TFCP2L1: variants seen among roughly 807,000 people sequenced by gnomAD.
TFCP2L1 encodes the protein transcription factor CP2-like protein 1.
A neutral mutation model predicts 72.2 loss-of-function variants in TFCP2L1; 12 were observed. The observed-to-expected ratio is 0.17, with a 90% CI of 0.11 to 0.27. TFCP2L1 has a LOEUF of 0.27. Among genes scored for constraint, TFCP2L1 ranks in the 10% least tolerant of loss-of-function variants. The pLI is 1.00. For missense variants in TFCP2L1, 488 were observed against 624.6 expected (o/e 0.78, Z 2.33); for synonymous variants, 260 against 251.0 (o/e 1.04, Z -0.34).
chr2:121,271,473 T>C (rs759875512), intron 2 of TFCP2L1, among the ~76,000 whole-genome samples: 1 of 152,232 alleles, frequency 6.6e-6, no homozygotes, highest in Non-Finnish European at 1.5e-5. Flanking sequence ...GAAAACATTT[T>C]TTTAAGTAAT....
intron 2 of TFCP2L1, among the ~76,000 whole-genome samples, chr2:121,259,269 G>A (rs545366127): frequency 3.0e-4 from 46 of 150,948 alleles, no homozygotes; most frequent in African/African-American, 1.0e-3. Context: ...GGCAATAAGA[G>A]TGAAACTCTG....
chr2:121,234,685 T>C (rs1211715244), intron 11 of TFCP2L1, among the ~76,000 whole-genome samples: 4 of 152,182 alleles, frequency 2.6e-5, no homozygotes. Context: ...TTAAATTCAC[T>C]AAAGTTAAAT....
rs1338407774 is a variant in TFCP2L1 at position 121,218,409 on chromosome 2, G to A, written c.*5932C>T. On this transcript the variant is annotated 3_prime_UTR_variant, in exon 15 of 15. Transcript: ENST00000263707. ...CAGGTGGGCCCACCGTATGCTAGCT[G>A]ACAAGGGCAGTCACACACCGGTAAG... The A allele has an allele frequency of 1.3e-5, 2 of 152,194 alleles. No homozygotes were observed. The highest frequency in any genetic ancestry group is 2.4e-5 in the African/African-American group (1 of 41,444). 9.4% of individuals were successfully genotyped at this position (152,194 alleles called of 1,614,324 possible). A position where few individuals can be genotyped will look rare whatever the true frequency, so the allele number is the denominator to read the frequency against.
intron 2 of TFCP2L1, among the ~76,000 whole-genome samples, chr2:121,258,683 C>CATGAAA (rs1401199091): frequency 3.9e-5 from 6 of 152,172 alleles, no homozygotes. Context: ...GCATCGACAT[C>CATGAAA]ATGAAAAATG....
intron 8 of TFCP2L1, among the ~76,000 whole-genome samples, chr2:121,238,415 C>T (rs562571865): frequency 2.6e-5 from 4 of 152,272 alleles, no homozygotes; most frequent in Non-Finnish European, 2.9e-5. Context: ...CAAGCTTCCT[C>T]GGGGGCCAGG....
In TFCP2L1 at chr2:121,237,838, C is replaced by A. The variant is rs758603684; in HGVS notation, c.873G>T (p.Pro291=). The stretch of plus-strand genomic sequence containing the variant: ...CGGGCAGGGCCTCCACCGGGTGGGT[C>A]GGAGAGGCGTTGCTGCAAGGAAAAG... ...SFGLGEGNAS[P]THPVEALPVG... is the part of the protein sequence containing the mutation. The change falls in exon 9 of 15, where the codon CCG becomes CCT. Residue 291 remains proline, a synonymous_variant. Coordinates refer to ENST00000263707, the MANE Select transcript of TFCP2L1 (RefSeq NM_014553.3). 1.2e-6 allele frequency: 2 copies of A among 1,614,000 alleles called. No homozygotes were observed. Among genetic ancestry groups the A allele is most frequent in the Non-Finnish European group, 8.5e-7 (1 of 1,179,998 alleles).
intron 13 of TFCP2L1, among the ~76,000 whole-genome samples, chr2:121,225,958 C>T (rs376136506): frequency 3.3e-4 from 42 of 128,910 alleles, no homozygotes; most frequent in Middle Eastern, 5.0e-3. Context: ...CACGGGAACA[C>T]GGTAAACACC....
intron 2 of TFCP2L1, among the ~76,000 whole-genome samples, chr2:121,263,469 CA>C (rs10603088): frequency 0.12 from 7,807 of 67,578 alleles, 166 homozygotes; most frequent in African/African-American, 0.22. Flanking sequence ...CTGTTTTTGG[CA>C]AAAAAAAAAA....
At chr2:121,278,252 G>T (rs1687186322) in intron 2 of TFCP2L1, among the ~76,000 whole-genome samples, 1 of 147,944 alleles carries the variant, frequency 6.8e-6, no homozygotes, top group South Asian at 2.1e-4. Context: ...TAGCCAGGAT[G>T]GTCTCGATCT....
In TFCP2L1 at chr2:121,238,536, T is replaced by C. The variant is rs1410302333; in HGVS notation, c.861-686A>G. The stretch of plus-strand genomic sequence containing the variant: ...GACTGCACACTTAAAAATGGTAAAT[T>C]TTGTGTTATGTATATTTCTCCATAA... On this transcript the variant is annotated intron_variant, in intron 8 of 14. Transcript: ENST00000263707. Among the ~76,000 whole-genome samples, 4 of 151,874 alleles carry C rather than the reference T, an allele frequency of 2.6e-5. No individual in the cohort carries two copies. In the East Asian group the frequency reaches 7.8e-4, roughly 29 times the overall value.
chr2:121,255,943 C>T (rs1053339095), intron 2 of TFCP2L1, among the ~76,000 whole-genome samples: 1 of 152,062 alleles, frequency 6.6e-6, no homozygotes, highest in Non-Finnish European at 1.5e-5. Context: ...AGGGTTTCAC[C>T]ATGTTAGCCA....
chr2:121,278,400 AG>A (rs1687190292), intron 2 of TFCP2L1, among the ~76,000 whole-genome samples: 1 of 149,248 alleles, frequency 6.7e-6, no homozygotes, highest in South Asian at 2.2e-4. Flanking sequence ...AAAAAAACCT[AG>A]TAGGCTGGGC....
At chr2:121,227,044 A>G (rs562600242) in intron 13 of TFCP2L1, among the ~76,000 whole-genome samples, 151 of 152,356 alleles carry the variant, frequency 9.9e-4, no homozygotes, top group African/African-American at 3.4e-3. Context: ...GGCAGTGCCA[A>G]TGAGCGCCAG....
chr2:121,236,455 A>G (rs913888740), intron 10 of TFCP2L1, among the ~76,000 whole-genome samples: 5 of 152,112 alleles, frequency 3.3e-5, no homozygotes, highest in Admixed American at 1.3e-4. Flanking sequence ...CCCCTTCCTC[A>G]AAGCCCAAGG....
rs1228686086 is a variant in TFCP2L1, at chr2:121,242,442, T to A, written c.685A>T (p.Thr229Ser). 1 of 1,614,086 alleles carries A rather than the reference T, an allele frequency of 6.2e-7. No individual in the cohort carries two copies. The highest frequency in any genetic ancestry group is 1.1e-5 in the South Asian group (1 of 91,082). The stretch of plus-strand genomic sequence containing the variant: ...CTTTTCTCCATCTTCTCCCGGTCAG[T>A]CTTCTGTTTCCGATCGGCTCCCTTC... ...KPKGADRKQK[T>S]DREKMEKRTA... The change falls in exon 7 of 15, where the codon ACT becomes TCT. Residue 229 changes from threonine to serine, a missense_variant. By Grantham distance (58) the Thr-to-Ser change is moderately conservative. This residue lies in a region of TFCP2L1 where 286 missense variants were observed against 329.0 expected (regional missense o/e 0.87). Coordinates refer to ENST00000263707, the MANE Select transcript of TFCP2L1 (RefSeq NM_014553.3).
chr2:121,278,696 G>GA (rs112005170), intron 2 of TFCP2L1, among the ~76,000 whole-genome samples: 1,098 of 109,536 alleles, frequency 0.01, 10 homozygotes, highest in African/African-American at 0.028. Context: ...AAAGAAGAAA[G>GA]AAAAAAAAAA....
At position 121,283,526 on chromosome 2, in the gene TFCP2L1, G is replaced by A. The variant is rs772340318; in HGVS notation, c.62+1522C>T. On this transcript the variant is annotated intron_variant, in intron 1 of 14. Coordinates refer to ENST00000263707, the MANE Select transcript of TFCP2L1 (RefSeq NM_014553.3). ...CTTTACAGCACCACCCACTCCCAAC[G>A]CTCACCCTCCTCCTTTCACCAAATC... 5.3e-5 allele frequency among the ~76,000 whole-genome samples: 8 copies of A among 152,156 alleles called. No individual in the cohort carries two copies. In the South Asian group the frequency reaches 8.3e-4, roughly 16 times the overall value.
At chr2:121,283,894 G>T (rs750873753) in intron 1 of TFCP2L1, among the ~76,000 whole-genome samples, 1 of 152,200 alleles carries the variant, frequency 6.6e-6, no homozygotes, top group East Asian at 1.9e-4. Flanking sequence ...TGACATCACC[G>T]TGGTCTGCCG....
chr2:121,217,188 G>A lies in TFCP2L1; in HGVS notation c.*7153C>T, dbSNP rs1685851485. ...ACCCTGGCCCCCATCTAACCTCCCAGTTGACTTCCTGAAAACTGGGCTAGT... is the reference window on the plus strand; with the variant it reads ...ACCCTGGCCCCCATCTAACCTCCCAATTGACTTCCTGAAAACTGGGCTAGT... On this transcript the variant is annotated 3_prime_UTR_variant, in exon 15 of 15. Coordinates refer to ENST00000263707, the MANE Select transcript of TFCP2L1 (RefSeq NM_014553.3). 6.6e-6 allele frequency: 1 copy of A among 152,298 alleles called. No individual in the cohort carries two copies. The highest frequency in any genetic ancestry group is 1.5e-5 in the Non-Finnish European group (1 of 68,078). 9.4% of individuals were successfully genotyped at this position (152,298 alleles called of 1,614,324 possible).
Sources: allele counts gnomAD v4.1 joint callset (sites outside exome capture counted in the v4.1 genomes callset), GRCh38; gene constraint gnomAD v4.1.1; regional missense constraint gnomAD v4.1.1; transcripts MANE v1.5; gene names NCBI Gene and HGNC (gene_info 2026-07-23, HGNC 2026-07-21).